The following NKAIN3 variants were observed in gnomAD, a reference collection of about 807,000 sequenced individuals.
NKAIN3 encodes the protein sodium/potassium transporting ATPase interacting 3, also known as sodium/potassium-transporting ATPase subunit beta-1-interacting protein 3.
NKAIN3 carries 25 observed loss-of-function variants against 30.2 expected under a neutral mutation model. That is an observed-to-expected ratio of 0.83 (90% CI 0.60 to 1.16). NKAIN3 has a LOEUF of 1.16. Among genes scored for constraint, NKAIN3 ranks in the 50% most tolerant of loss-of-function variants. The pLI, the probability that NKAIN3 is intolerant of heterozygous loss-of-function variation, is 0.00. For synonymous variants in NKAIN3, 91 were observed against 89.6 expected (o/e 1.02, Z -0.09); for missense variants, 225 against 254.1 (o/e 0.89, Z 0.78).
At chr8:62,399,093 AAAAC>A (rs1378052208) in intron 1 of NKAIN3, among the ~76,000 whole-genome samples, 2 of 152,214 alleles carry the variant, frequency 1.3e-5, no homozygotes, top group Non-Finnish European at 2.9e-5. Context: ...TCCTTCTCAA[AAAAC>A]AAACAAAAAA....
At chr8:62,898,476 T>A (rs1441967639) in intron 4 of NKAIN3, among the ~76,000 whole-genome samples, 1 of 152,112 alleles carries the variant, frequency 6.6e-6, no homozygotes, top group Non-Finnish European at 1.5e-5. Flanking sequence ...CCAAATATCA[T>A]GTGTTCTCAC....
At chr8:62,493,994 C>T (rs949168233) in intron 1 of NKAIN3, among the ~76,000 whole-genome samples, 1 of 152,090 alleles carries the variant, frequency 6.6e-6, no homozygotes, top group Non-Finnish European at 1.5e-5. Flanking sequence ...TCCTCTTTTC[C>T]CATTTTCCTA....
intron 5 of NKAIN3, among the ~76,000 whole-genome samples, chr8:62,927,033 A>C (rs1822470712): frequency 6.6e-6 from 1 of 152,212 alleles, no homozygotes. Context: ...AAGAAAATAG[A>C]AATCACCCTT....
intron 1 of NKAIN3, among the ~76,000 whole-genome samples, chr8:62,412,721 T>C (rs975571354): frequency 2.0e-5 from 3 of 151,156 alleles, no homozygotes; most frequent in African/African-American, 7.3e-5. Context: ...AACTGTTTAG[T>C]AGAGACATGG....
At chr8:62,317,598 T>C (rs1814686775) in intron 1 of NKAIN3, among the ~76,000 whole-genome samples, 1 of 152,214 alleles carries the variant, frequency 6.6e-6, no homozygotes, top group African/African-American at 2.4e-5. Flanking sequence ...ATATGTGGCA[T>C]TATTTCTGAG....
intron 1 of NKAIN3, among the ~76,000 whole-genome samples, chr8:62,530,126 G>C (rs1432304862): frequency 6.6e-6 from 1 of 152,166 alleles, no homozygotes; most frequent in Admixed American, 6.5e-5. Context: ...ATAAAGTTAG[G>C]AGCCAAGCAG....
In NKAIN3 at chr8:62,982,468, A is replaced by G. The variant is rs1824107577; in HGVS notation, c.*17061A>G. On this transcript the variant is annotated 3_prime_UTR_variant, in exon 7 of 7. Transcript: ENST00000623646. ...TTAAATAATTAGATTTGTGTAAACT[A>G]TATTTTAGAGTCTTCCAAAACGCCT... is the stretch of plus-strand genomic sequence containing the variant. The G allele has an allele frequency of 6.6e-6, 1 of 152,220 alleles. No individual in the cohort carries two copies. Among genetic ancestry groups the G allele is most frequent in the African/African-American group, 2.4e-5 (1 of 41,468 alleles). 9.4% of individuals were successfully genotyped at this position (152,220 alleles called of 1,614,324 possible). A position where few individuals can be genotyped will look rare whatever the true frequency, so the allele number is the denominator to read the frequency against.
At chr8:62,914,002 C>A (rs1360970365) in intron 4 of NKAIN3, among the ~76,000 whole-genome samples, 1 of 152,056 alleles carries the variant, frequency 6.6e-6, no homozygotes, top group Non-Finnish European at 1.5e-5. Flanking sequence ...GGTATATACC[C>A]AAAGGAATAT....
At position 62,859,606 on chromosome 8, in the gene NKAIN3, G is replaced by A. The variant is rs569422599; in HGVS notation, c.472-58847G>A. On this transcript the variant is annotated intron_variant, in intron 4 of 6. Transcript: ENST00000623646. ...ACCACATAAATATATACATATATGC[G>A]TGTGTGTGTGTGCATGCGTGTGTGT... Among the ~76,000 whole-genome samples, 22 of 146,898 alleles carry A rather than the reference G, an allele frequency of 1.5e-4. No individual in the cohort carries two copies. In the South Asian group the frequency reaches 3.9e-3, roughly 26 times the overall value.
intron 1 of NKAIN3, among the ~76,000 whole-genome samples, chr8:62,564,280 C>A (rs1809678217): frequency 6.6e-6 from 1 of 152,124 alleles, no homozygotes; most frequent in Non-Finnish European, 1.5e-5. Context: ...GAGTTCACAT[C>A]CATGCCATCT....
intron 1 of NKAIN3, among the ~76,000 whole-genome samples, chr8:62,380,869 A>G (rs1413021032): frequency 6.6e-6 from 1 of 152,196 alleles, no homozygotes; most frequent in Admixed American, 6.5e-5. Context: ...TCATGTGTGA[A>G]ATATGAGCTC....
intron 4 of NKAIN3, among the ~76,000 whole-genome samples, chr8:62,902,640 A>G (rs1394887102): frequency 6.6e-6 from 1 of 152,248 alleles, no homozygotes; most frequent in Admixed American, 6.5e-5. Flanking sequence ...TGACACATTT[A>G]TGAATTCTCT....
chr8:62,394,394 G>A (rs60193051), intron 1 of NKAIN3, among the ~76,000 whole-genome samples: 20,845 of 151,124 alleles, frequency 0.14, 1,725 homozygotes, highest in East Asian at 0.4. Flanking sequence ...GTTAACCTTC[G>A]GATGTTAAAC....
chr8:62,343,868 G>A (rs1301524869), intron 1 of NKAIN3, among the ~76,000 whole-genome samples: 1 of 151,992 alleles, frequency 6.6e-6, no homozygotes, highest in Non-Finnish European at 1.5e-5. Context: ...TTGAAAGTGA[G>A]TATAAAATTG....
chr8:62,276,166 C>T (rs563864027), intron 1 of NKAIN3, among the ~76,000 whole-genome samples: 130 of 152,128 alleles, frequency 8.5e-4, no homozygotes, highest in African/African-American at 3.0e-3. Context: ...CCTGGGCTCA[C>T]GCGATTCTCT....
intron 1 of NKAIN3, among the ~76,000 whole-genome samples, chr8:62,396,957 T>C (rs895022134): frequency 1.3e-5 from 2 of 152,230 alleles, no homozygotes; most frequent in African/African-American, 2.4e-5. Flanking sequence ...GGCAGTGATA[T>C]ACATACAGGT....
chr8:62,788,158 T>A (rs1206846566), intron 4 of NKAIN3, among the ~76,000 whole-genome samples: 3 of 152,192 alleles, frequency 2.0e-5, no homozygotes, highest in Admixed American at 2.0e-4. Flanking sequence ...TCACCAACAG[T>A]GTAAAAGTGT....
At chr8:62,996,271 A>T (rs954869800) in intron 5 of NKAIN3, among the ~76,000 whole-genome samples, 1 of 152,200 alleles carries the variant, frequency 6.6e-6, no homozygotes, top group African/African-American at 2.4e-5. Flanking sequence ...ACATGGTGGC[A>T]GGAGAGAGAC....
chr8:62,416,223 T>C (rs1212272596), intron 1 of NKAIN3, among the ~76,000 whole-genome samples: 2 of 152,186 alleles, frequency 1.3e-5, no homozygotes, highest in Non-Finnish European at 2.9e-5. Context: ...CAATTCATAC[T>C]CATTAAGGAT....
Sources: gnomAD v4.1 joint callset for allele counts (sites outside exome capture counted in the v4.1 genomes callset) on GRCh38, gnomAD v4.1.1 for gene constraint, MANE v1.5 for transcripts, NCBI Gene and HGNC (gene_info 2026-07-23, HGNC 2026-07-21) for gene names.